The following DDAH1 variants were observed in gnomAD, a reference collection of about 807,000 sequenced individuals.
DDAH1 encodes the protein dimethylarginine dimethylaminohydrolase 1.
DDAH1 carries 19 observed loss-of-function variants against 28.8 expected under a neutral mutation model. That is an observed-to-expected ratio of 0.66 (90% CI 0.46 to 0.97). The LOEUF (loss-of-function observed/expected upper bound fraction) is 0.97. DDAH1 is among the 50% of genes least tolerant of loss of function. The probability of loss-of-function intolerance (pLI) is 0.00; values close to 1 mark genes in which losing one functional copy is unlikely to be tolerated. For synonymous variants in DDAH1, 153 were observed against 154.4 expected, an observed-to-expected ratio of 0.99 and a Z score of 0.07; for missense variants, 326 against 375.9, an observed-to-expected ratio of 0.87 and a Z score of 1.10.
chr1:85,411,415 C>T (rs1554597), intron 1 of DDAH1, among the ~76,000 whole-genome samples: 99,634 of 152,004 alleles, frequency 0.66, 32,797 homozygotes, highest in East Asian at 0.71. Context: ...CTGCCTTAAT[C>T]AGGATGCTCA....
intron 2 of DDAH1, among the ~76,000 whole-genome samples, chr1:85,472,974 T>C (rs1284951585): frequency 2.0e-5 from 3 of 152,198 alleles, no homozygotes; most frequent in Admixed American, 6.5e-5. Context: ...AGTATTGCAG[T>C]ATTTGATTTT....
intron 1 of DDAH1, among the ~76,000 whole-genome samples, chr1:85,564,610 G>A (rs1333027273): frequency 6.6e-6 from 1 of 152,218 alleles, no homozygotes; most frequent in Non-Finnish European, 1.5e-5. Context: ...GTTCATGCCT[G>A]TAATCCTAGC....
In DDAH1 at chr1:85,370,052, A is replaced by G. The variant is rs531993164; in HGVS notation, c.304-11205T>C. Among the ~76,000 whole-genome samples, 7 of 152,334 alleles carry G rather than the reference A, an allele frequency of 4.6e-5. No homozygotes were observed. In the South Asian group the frequency reaches 8.3e-4, roughly 18 times the overall value. Reference sequence around the variant, plus strand: ...TGGGCTATGTGTCTCCTCAAGATTCATATGTTGAAAACTCCCAGGGCTTAA... The same window carrying G: ...TGGGCTATGTGTCTCCTCAAGATTCGTATGTTGAAAACTCCCAGGGCTTAA... On this transcript the variant is annotated intron_variant, in intron 1 of 5. Coordinates refer to ENST00000284031, the MANE Select transcript of DDAH1 (RefSeq NM_012137.4).
chr1:85,343,664 A>AT (rs1172360888), intron 4 of DDAH1, among the ~76,000 whole-genome samples: 2 of 152,112 alleles, frequency 1.3e-5, no homozygotes, highest in African/African-American at 4.8e-5. Flanking sequence ...CAAAGTCTTT[A>AT]TTTTTTCCAT....
intron 1 of DDAH1, among the ~76,000 whole-genome samples, chr1:85,561,444 A>G (rs1270238528): frequency 1.3e-5 from 2 of 152,104 alleles, no homozygotes; most frequent in Non-Finnish European, 2.9e-5. Context: ...CACCAACCTA[A>G]TAGAAGAGCT....
At chr1:85,503,096 AC>A (rs1422891100) in intron 1 of DDAH1, among the ~76,000 whole-genome samples, 1 of 151,856 alleles carries the variant, frequency 6.6e-6, no homozygotes, top group Non-Finnish European at 1.5e-5. Flanking sequence ...TTAAAAAAAA[AC>A]CCCAACAACC....
intron 1 of DDAH1, among the ~76,000 whole-genome samples, chr1:85,405,463 C>T (rs765902242): frequency 3.3e-5 from 5 of 152,074 alleles, no homozygotes; most frequent in Non-Finnish European, 5.9e-5. Context: ...GGTGTCAGGA[C>T]GCTTAAGCAT....
chr1:85,376,179 T>C (rs2100897816), intron 1 of DDAH1, among the ~76,000 whole-genome samples: 1 of 152,310 alleles, frequency 6.6e-6, no homozygotes, highest in East Asian at 1.9e-4. Flanking sequence ...AGTTTGCTTT[T>C]TAATAGCATA....
chr1:85,469,689 G>A (rs554613451), upstream of DDAH1, among the ~76,000 whole-genome samples: 1 of 152,158 alleles, frequency 6.6e-6, no homozygotes, highest in South Asian at 2.1e-4. Flanking sequence ...AGAATTTGTG[G>A]CCTTCCTAGG....
intron 1 of DDAH1, among the ~76,000 whole-genome samples, chr1:85,426,932 A>AC (rs1368390784): frequency 6.6e-6 from 1 of 151,346 alleles, no homozygotes; most frequent in Non-Finnish European, 1.5e-5. Flanking sequence ...AAAAAAAAAA[A>AC]AAAAAAAGGA....
At chr1:85,460,344 C>G (rs957741382) in intron 1 of DDAH1, among the ~76,000 whole-genome samples, 2 of 152,188 alleles carry the variant, frequency 1.3e-5, no homozygotes, top group Admixed American at 6.5e-5. Flanking sequence ...CCCATTCCCC[C>G]ATTTGATGCC....
chr1:85,403,337 G>GA lies in DDAH1; in HGVS notation c.304-44491dup, dbSNP rs200062968. ...GTAAAACAGAATAGTTATATCCAAA[G>GA]AAAAAAAAATCTGAAAAGAATAATT... On this transcript the variant is annotated intron_variant, in intron 1 of 5. Coordinates refer to ENST00000284031, the MANE Select transcript of DDAH1 (RefSeq NM_012137.4). Among the ~76,000 whole-genome samples, 14 of 150,756 alleles carry GA rather than the reference G, an allele frequency of 9.3e-5. No homozygotes were observed. The South Asian group carries it at 1.5e-3, about 16-fold the overall frequency.
At chr1:85,491,156 C>G (rs1656390443) in intron 2 of DDAH1, among the ~76,000 whole-genome samples, 2 of 151,574 alleles carry the variant, frequency 1.3e-5, no homozygotes, top group African/African-American at 4.8e-5. Context: ...AAATGAGCCT[C>G]CCACCTCAGC....
intron 1 of DDAH1, among the ~76,000 whole-genome samples, chr1:85,531,184 C>T (rs1658080066): frequency 6.6e-6 from 1 of 152,030 alleles, no homozygotes. Flanking sequence ...TTGGGACTAC[C>T]AGGACCTACT....
At chr1:85,390,033 G>A (rs12140935) in intron 1 of DDAH1, among the ~76,000 whole-genome samples, 23,754 of 152,132 alleles carry the variant, frequency 0.16, 2,271 homozygotes, top group Admixed American at 0.22. Context: ...AATTCTAGTC[G>A]TTTTTATATC....
intron 1 of DDAH1, among the ~76,000 whole-genome samples, chr1:85,369,517 A>C (rs1367584763): frequency 6.6e-6 from 1 of 152,144 alleles, no homozygotes; most frequent in Non-Finnish European, 1.5e-5. Flanking sequence ...TTTATTTCTA[A>C]AAACCCGCAG....
At chr1:85,561,572 C>T (rs1158599969) in intron 1 of DDAH1, among the ~76,000 whole-genome samples, 1 of 152,086 alleles carries the variant, frequency 6.6e-6, no homozygotes, top group African/African-American at 2.4e-5. Flanking sequence ...TGATCTCTTA[C>T]ATAATATTAA....
intron 1 of DDAH1, among the ~76,000 whole-genome samples, chr1:85,546,248 G>A (rs75030935): frequency 0.063 from 9,593 of 152,124 alleles, 427 homozygotes; most frequent in East Asian, 0.13. Flanking sequence ...GATTAATGCC[G>A]TTTTCTCAGG....
At chr1:85,324,143 T>C (rs1401783055) in intron 5 of DDAH1, among the ~76,000 whole-genome samples, 1 of 151,542 alleles carries the variant, frequency 6.6e-6, no homozygotes, top group African/African-American at 2.4e-5. Context: ...TGGTGGTATA[T>C]GCATGTAGTC....
Sources: allele counts gnomAD v4.1 joint callset (sites outside exome capture counted in the v4.1 genomes callset), GRCh38; gene constraint gnomAD v4.1.1; transcripts MANE v1.5; gene names NCBI Gene and HGNC (gene_info 2026-07-23, HGNC 2026-07-21).